Variants in STXBP5 observed in about 807,000 individuals in gnomAD.
STXBP5 encodes syntaxin binding protein 5, also known as syntaxin-binding protein 5.
Under a neutral mutation model 152.4 loss-of-function variants are expected in STXBP5, and 50 were observed. The ratio of observed to expected loss-of-function variants is 0.33; its 90% confidence interval spans 0.26 to 0.42. The LOEUF (loss-of-function observed/expected upper bound fraction) is 0.42, where lower values mean the gene tolerates loss of function less well. STXBP5 is among the 10% of genes least tolerant of loss of function. STXBP5 has a pLI of 1.00. For missense variants in STXBP5, 1,167 were observed against 1,388.6 expected (o/e 0.84, Z 2.54); for synonymous variants, 492 against 494.7 (o/e 0.99, Z 0.07).
chr6:147,255,608 C>T (rs1004980550), intron 4 of STXBP5, among the ~76,000 whole-genome samples: 1 of 152,152 alleles, frequency 6.6e-6, no homozygotes, highest in Admixed American at 6.5e-5. Flanking sequence ...AGTCCTCCTG[C>T]CTCAGCTCAA....
rs1471098790 is a variant in STXBP5 at position 147,314,656 on chromosome 6, A to G, written c.1402+20A>G. 1.3e-6 allele frequency: 2 copies of G among 1,584,718 alleles called. No homozygotes were observed. The highest frequency in any genetic ancestry group is 1.7e-6 in the Non-Finnish European group (2 of 1,159,870). The stretch of plus-strand genomic sequence containing the variant: ...CTGCAAGTAAGTATTTTTAATATTC[A>G]TTATTTGTTATATGTTATACAATCA... On this transcript the variant is annotated intron_variant, in intron 14 of 27. Coordinates refer to ENST00000321680, the MANE Select transcript of STXBP5 (RefSeq NM_001127715.4).
intron 19 of STXBP5, among the ~76,000 whole-genome samples, chr6:147,334,773 C>T (rs1169745654): frequency 6.6e-6 from 1 of 151,928 alleles, no homozygotes; most frequent in South Asian, 2.1e-4. Context: ...TCTTTGGAGA[C>T]CTCTTAAAAT....
intron 2 of STXBP5, among the ~76,000 whole-genome samples, chr6:147,232,180 T>G (rs1015352979): frequency 3.3e-5 from 5 of 151,962 alleles, no homozygotes; most frequent in African/African-American, 9.6e-5. Flanking sequence ...AGAGCTGGCA[T>G]ATGAACTAAC....
intron 5 of STXBP5, among the ~76,000 whole-genome samples, chr6:147,261,520 T>G (rs933685768): frequency 1.3e-5 from 2 of 152,076 alleles, no homozygotes; most frequent in Non-Finnish European, 2.9e-5. Context: ...ATTTACCTCT[T>G]TTTGAGATAA....
chr6:147,293,013 T>C (rs1781354219), intron 9 of STXBP5: 1 of 152,188 alleles, frequency 6.6e-6, no homozygotes, highest in South Asian at 2.1e-4. Context: ...AATTATAATA[T>C]TGTACTTTAC....
chr6:147,371,283 T>C lies in STXBP5; in HGVS notation c.3082-2448T>C, dbSNP rs530213642. Among the ~76,000 whole-genome samples, 10 of 152,212 alleles carry C rather than the reference T, an allele frequency of 6.6e-5. No individual in the cohort carries two copies. In the South Asian group the frequency reaches 1.9e-3, roughly 28 times the overall value. ...GAAGTGAAAAAATACCTATATATTT[T>C]ATGTATTTTCCCAAAACCTTTATAT... On this transcript the variant is annotated intron_variant, in intron 25 of 27. Coordinates refer to ENST00000321680, the MANE Select transcript of STXBP5 (RefSeq NM_001127715.4).
chr6:147,216,574 A>G (rs1249224936), intron 2 of STXBP5, among the ~76,000 whole-genome samples: 3 of 151,846 alleles, frequency 2.0e-5, no homozygotes, highest in Admixed American at 1.3e-4. Context: ...CCCACTGACC[A>G]CTCTTTGCAT....
At chr6:147,205,947 G>C (rs1266002883) in intron 1 of STXBP5, 24 bp from the exon 2 acceptor site, 2 of 1,593,788 alleles carry the variant, frequency 1.3e-6, no homozygotes, top group Non-Finnish European at 1.7e-6. Context: ...CTTGGTTGCT[G>C]TGATGTCACT....
chr6:147,238,684 A>G (rs1390708604), intron 3 of STXBP5, among the ~76,000 whole-genome samples: 3 of 152,300 alleles, frequency 2.0e-5, no homozygotes, highest in East Asian at 1.9e-4. Context: ...TGGAGGTTAC[A>G]GTGTGCCAAA....
At chr6:147,299,742 A>G (rs996233918) in intron 9 of STXBP5, among the ~76,000 whole-genome samples, 2 of 152,046 alleles carry the variant, frequency 1.3e-5, no homozygotes, top group African/African-American at 4.8e-5. Context: ...ATGTACCACA[A>G]TCAAGTGGGA....
intron 22 of STXBP5, among the ~76,000 whole-genome samples, chr6:147,356,545 C>G (rs1175363486): frequency 6.6e-6 from 1 of 151,236 alleles, no homozygotes; most frequent in Non-Finnish European, 1.5e-5. Flanking sequence ...TCTTTTCTAC[C>G]GTATCATAAT....
intron 12 of STXBP5, 77 bp downstream of exon 12, chr6:147,314,108 A>T: frequency 1.3e-6 from 2 of 1,490,106 alleles, no homozygotes; most frequent in Non-Finnish European, 1.8e-6. Context: ...GTATTTGATA[A>T]CATTATACCT....
intron 21 of STXBP5, among the ~76,000 whole-genome samples, chr6:147,340,338 G>A (rs996054819): frequency 4.0e-4 from 61 of 152,058 alleles, no homozygotes; most frequent in African/African-American, 1.3e-3. Context: ...TCATATTAAC[G>A]GTGGCTGACT....
Position 147,260,597 on chromosome 6 carries a change from T to C in STXBP5, c.432-18T>C. 1 of 1,613,470 alleles carries C rather than the reference T, an allele frequency of 6.2e-7. No homozygotes were observed. The highest frequency in any genetic ancestry group is 8.5e-7 in the Non-Finnish European group (1 of 1,179,520). ...CCATTTTTCAAATTTCTTTTTTGAG[T>C]ATATTTTTCTCTTGCAGGGTTACAT... On this transcript the variant is annotated intron_variant, in intron 4 of 27. Transcript: ENST00000321680.
intron 26 of STXBP5, among the ~76,000 whole-genome samples, chr6:147,377,719 A>T (rs1320567547): frequency 2.6e-5 from 4 of 151,692 alleles, no homozygotes; most frequent in Admixed American, 2.6e-4. Context: ...TACCCTTTTT[A>T]CCTCCCAAAG....
At chr6:147,276,927 A>G (rs1242456051) in intron 7 of STXBP5, among the ~76,000 whole-genome samples, 1 of 152,128 alleles carries the variant, frequency 6.6e-6, no homozygotes, top group Non-Finnish European at 1.5e-5. Context: ...GTGCTTTTGT[A>G]CTATCTTAAA....
At chr6:147,287,454 G>A (rs933644495) in intron 8 of STXBP5, among the ~76,000 whole-genome samples, 4 of 151,714 alleles carry the variant, frequency 2.6e-5, no homozygotes, top group African/African-American at 4.9e-5. Context: ...CGCCCGCCTC[G>A]GCCTCCCAAA....
At chr6:147,317,746 G>A (rs1337132064) in intron 16 of STXBP5, among the ~76,000 whole-genome samples, 3 of 152,092 alleles carry the variant, frequency 2.0e-5, no homozygotes, top group Non-Finnish European at 4.4e-5. Context: ...TGTAGTTCTA[G>A]CACATGTTTT....
At chr6:147,206,653 A>T (rs994105741) in intron 2 of STXBP5, among the ~76,000 whole-genome samples, 8 of 152,154 alleles carry the variant, frequency 5.3e-5, no homozygotes, top group African/African-American at 1.9e-4. Flanking sequence ...TTCTCTTGAT[A>T]TACTTTTTCT....
Sources: allele counts gnomAD v4.1 joint callset (sites outside exome capture counted in the v4.1 genomes callset), GRCh38; gene constraint gnomAD v4.1.1; transcripts MANE v1.5; gene names NCBI Gene and HGNC (gene_info 2026-07-23, HGNC 2026-07-21).